The following UNKL variants were observed in gnomAD, a reference collection of about 807,000 sequenced individuals.
UNKL encodes putative E3 ubiquitin-protein ligase UNKL.
A neutral mutation model predicts 78.0 loss-of-function variants in UNKL; 60 were observed. The observed-to-expected ratio is 0.77, with a 90% CI of 0.63 to 0.95. UNKL has a LOEUF of 0.95. UNKL is among the 40% of genes least tolerant of loss of function. The probability of loss-of-function intolerance (pLI) is 0.00; values close to 1 mark genes in which losing one functional copy is unlikely to be tolerated. For missense variants in UNKL, 1,159 were observed against 1,045.7 expected, an observed-to-expected ratio of 1.11 and a Z score of -1.49; for synonymous variants, 608 against 474.8, an observed-to-expected ratio of 1.28 and a Z score of -3.65.
intron 9 of UNKL, 36 bp from the exon 10 acceptor site, chr16:1,385,421 C>A (rs1031944880): frequency 4.6e-5 from 60 of 1,296,730 alleles, no homozygotes; most frequent in Non-Finnish European, 5.5e-5. Flanking sequence ...GCGCGCACCC[C>A]CTGCGTGGAG....
In UNKL at chr16:1,399,644, G is replaced by C; in HGVS notation, c.599-135C>G. 7.6e-7 allele frequency: 1 copy of C among 1,309,142 alleles called. No homozygotes were observed. The highest frequency in any genetic ancestry group is 1.0e-6 in the Non-Finnish European group (1 of 955,088). 81.1% of individuals were successfully genotyped at this position (1,309,142 alleles called of 1,614,324 possible). On this transcript the variant is annotated intron_variant, in intron 4 of 14. Transcript: ENST00000389221. The surrounding 1 kb of genome is among the most constrained non-coding windows in gnomAD (Gnocchi z 5.8). ...GAGGACTTGGGGAGCGCAGACACAC[G>C]CCACGGCACACGCTGATGTCAAAGG... is the stretch of plus-strand genomic sequence containing the variant.
At chr16:1,391,281 CACAT>C (rs2142129106) in intron 8 of UNKL, among the ~76,000 whole-genome samples, 1 of 127,968 alleles carries the variant, frequency 7.8e-6, no homozygotes, top group African/African-American at 2.9e-5. Flanking sequence ...CACACACACA[CACAT>C]AAGCTCTGCT....
At chr16:1,388,530 G>A (rs766756896) in intron 9 of UNKL, among the ~76,000 whole-genome samples, 40 of 152,144 alleles carry the variant, frequency 2.6e-4, no homozygotes, top group Non-Finnish European at 1.8e-4. Context: ...CCCTGCCCGG[G>A]AGCTGGCCAG....
chr16:1,392,419 G>A (rs1351859979), intron 8 of UNKL, among the ~76,000 whole-genome samples: 1 of 151,450 alleles, frequency 6.6e-6, no homozygotes, highest in Admixed American at 6.6e-5. Context: ...CTTCCTAGAA[G>A]CCCAACCCCC....
intron 10 of UNKL, among the ~76,000 whole-genome samples, chr16:1,378,001 C>A (rs569645725): frequency 6.6e-6 from 1 of 152,184 alleles, no homozygotes; most frequent in Non-Finnish European, 1.5e-5. Flanking sequence ...TGTGCCCTTG[C>A]GCGTGCCGGT....
rs369000082 is a variant in UNKL at position 1,387,768 on chromosome 16, C to T, written c.1087-2383G>A. On this transcript the variant is annotated intron_variant, in intron 9 of 14. Coordinates refer to ENST00000389221, the MANE Select transcript of UNKL (RefSeq NM_001372107.1). The surrounding 1 kb of genome is among the most constrained non-coding windows in gnomAD (Gnocchi z 4.1). Reference sequence around the variant, plus strand: ...TCCGGGGACGTGGACACTGCACCGCCGCACGGCTGCCCGGCCTGCGGAAGC... The same window carrying T: ...TCCGGGGACGTGGACACTGCACCGCTGCACGGCTGCCCGGCCTGCGGAAGC... Among the ~76,000 whole-genome samples, 24 of 152,248 alleles carry T rather than the reference C, an allele frequency of 1.6e-4. No individual in the cohort carries two copies. The highest frequency in any genetic ancestry group is 4.3e-4 in the African/African-American group (18 of 41,534).
Position 1,399,425 on chromosome 16 carries a change from T to A in UNKL, c.683A>T (p.His228Leu). 1.2e-6 allele frequency: 2 copies of A among 1,606,366 alleles called. No homozygotes were observed. Among genetic ancestry groups the A allele is most frequent in the Non-Finnish European group, 1.7e-6 (2 of 1,176,970 alleles). ...CCGCCTGTCCCGGCTATTGTGGTAG[T>A]GTGGGCACGCATAGCCCTGGCGGCA... Reference protein sequence around the residue: ...RLCRQGYACPHYHNSRDRRRN... With the variant: ...RLCRQGYACPLYHNSRDRRRN... Residue 228 changes from histidine to leucine, a missense_variant, in exon 5 of 15, where the codon CAC becomes CTC. His to Leu is a moderately conservative substitution (Grantham distance 99, BLOSUM62 -3). Transcript: ENST00000389221. This position sits in a 1 kb window ranked among gnomAD's most constrained non-coding sequence, Gnocchi z 5.8.
chr16:1,401,573 C>T lies in UNKL; in HGVS notation c.593G>A (p.Trp198Ter). 1 of 1,583,630 alleles carries T rather than the reference C, an allele frequency of 6.3e-7. No homozygotes were observed. The highest frequency in any genetic ancestry group is 8.6e-7 in the Non-Finnish European group (1 of 1,161,726). ...AGCTGCGGCCGTGGAGTTACCTTGC[C>T]ACCGGGGGTCCTCGCTCAGGATCTT... is the stretch of plus-strand genomic sequence containing the variant. ...IEKILSEDPR[W>*]QDANFVLGSY... The change falls in exon 4 of 15, where the codon TGG becomes TAG. Residue 198 changes from tryptophan (W) to a stop codon, truncating the protein, a stop_gained. Transcript: ENST00000389221. LOFTEE classifies it high-confidence loss of function.
Position 1,412,365 on chromosome 16 carries a change from C to T in UNKL, c.287+1481G>A, listed in dbSNP as rs180893922. ...GTGGCTCACGCCTGTAATCCCAGCA[C>T]TTTGGGAGGCCAAGGAGGGAGAATC... On this transcript the variant is annotated intron_variant, in intron 2 of 14. Transcript: ENST00000389221. 3.3e-5 allele frequency: 5 copies of T among 152,360 alleles called. No homozygotes were observed. In the East Asian group the frequency reaches 9.6e-4, roughly 29 times the overall value. The allele number at this position is 152,360 out of a possible 1,614,324, so 9.4% of individuals were successfully genotyped here.
Position 1,378,417 on chromosome 16 carries a change from G to A in UNKL, c.1264+6791C>T, listed in dbSNP as rs968185334. ...CAGAGCTCACCGCCCCTCACACCTG[G>A]CAGAGATCCAGAAACTCCTCATGAA... On this transcript the variant is annotated intron_variant, in intron 10 of 14. Coordinates refer to ENST00000389221, the MANE Select transcript of UNKL (RefSeq NM_001372107.1). 3.3e-5 allele frequency among the ~76,000 whole-genome samples: 5 copies of A among 152,214 alleles called. No individual in the cohort carries two copies. The East Asian group carries it at 9.6e-4, about 29-fold the overall frequency.
chr16:1,400,472 T>C (rs1351674275), intron 4 of UNKL, among the ~76,000 whole-genome samples: 4 of 125,824 alleles, frequency 3.2e-5, no homozygotes, highest in Admixed American at 8.8e-5. Flanking sequence ...CCATACGCAA[T>C]GTCCAGAATA....
At chr16:1,411,598 G>A (rs554238932) in intron 2 of UNKL, among the ~76,000 whole-genome samples, 4 of 152,164 alleles carry the variant, frequency 2.6e-5, no homozygotes, top group Admixed American at 2.0e-4. Flanking sequence ...ACGCCGAGGC[G>A]GGCAGATCAC....
chr16:1,385,915 C>T (rs1277224692), intron 9 of UNKL, among the ~76,000 whole-genome samples: 1 of 152,238 alleles, frequency 6.6e-6, no homozygotes, highest in African/African-American at 2.4e-5. Context: ...ACCTCGTCAC[C>T]AGGGAAAGTA....
rs1280591576 is a variant in UNKL at position 1,363,494 on chromosome 16, C to A, written c.*2746G>T. The A allele has an allele frequency of 3.3e-6, 1 of 299,402 alleles. No homozygotes were observed. The highest frequency in any genetic ancestry group is 6.5e-6 in the Non-Finnish European group (1 of 153,140). 18.5% of individuals were successfully genotyped at this position (299,402 alleles called of 1,614,324 possible). A position where few individuals can be genotyped will look rare whatever the true frequency, so the allele number is the denominator to read the frequency against. ...GACCACAGTTACACACGTCGTGACA[C>A]CACTGTATCACGGCGAATGTCGAAC... is the stretch of plus-strand genomic sequence containing the variant. On this transcript the variant is annotated 3_prime_UTR_variant, in exon 15 of 15. Coordinates refer to ENST00000389221, the MANE Select transcript of UNKL (RefSeq NM_001372107.1).
At chr16:1,368,635 A>AC (rs35671496) in intron 12 of UNKL, among the ~76,000 whole-genome samples, 16 of 144,238 alleles carry the variant, frequency 1.1e-4, no homozygotes, top group African/African-American at 2.9e-4. Flanking sequence ...AAAAAAAAAA[A>AC]CAGGCCTGTC....
intron 8 of UNKL, among the ~76,000 whole-genome samples, chr16:1,391,052 A>C (rs891344947): frequency 6.6e-6 from 1 of 151,966 alleles, no homozygotes; most frequent in Non-Finnish European, 1.5e-5. Context: ...TAAAAAATTT[A>C]AAAAAGGATA....
At chr16:1,398,681 A>AGCCCCCCC in intron 5 of UNKL, 2 of 694,434 alleles carry the variant, frequency 2.9e-6, no homozygotes, top group Admixed American at 4.8e-5. Context: ...TGGGGTCTGC[A>AGCCCCCCC]CCCCCCCACC....
chr16:1,383,085 C>T (rs866251271), intron 10 of UNKL, among the ~76,000 whole-genome samples: 4 of 144,930 alleles, frequency 2.8e-5, no homozygotes, highest in African/African-American at 5.1e-5. Context: ...TGGTAAAACC[C>T]GATCTCTACT....
chr16:1,404,008 G>T (rs1322653574), intron 2 of UNKL, among the ~76,000 whole-genome samples: 1 of 152,200 alleles, frequency 6.6e-6, no homozygotes, highest in Non-Finnish European at 1.5e-5. Flanking sequence ...CAGTGGAGAG[G>T]GGAAGCAGCT....
Sources: allele counts gnomAD v4.1 joint callset (sites outside exome capture counted in the v4.1 genomes callset), GRCh38; gene constraint gnomAD v4.1.1; non-coding constraint Gnocchi (gnomAD v3.1); transcripts MANE v1.5; gene names NCBI Gene and HGNC (gene_info 2026-07-23, HGNC 2026-07-21).